Variants in ZDHHC15 observed in about 807,000 individuals in gnomAD.
ZDHHC15 encodes palmitoyltransferase ZDHHC15.
In ZDHHC15, 19 loss-of-function variants were observed where a neutral mutation model predicts 31.7. That is an observed-to-expected ratio of 0.60 (90% CI 0.42 to 0.88). The LOEUF (loss-of-function observed/expected upper bound fraction) is 0.88, where lower values mean the gene tolerates loss of function less well. Ranked by LOEUF, ZDHHC15 falls within the 40% of genes least tolerant of loss-of-function variation. ZDHHC15 has a pLI of 0.00. For synonymous variants in ZDHHC15, 103 were observed against 90.0 expected (o/e 1.14, Z -0.82); for missense variants, 209 against 251.2 (o/e 0.83, Z 1.14).
chrX:75,509,258 T>C (rs1301338602), intron 1 of ZDHHC15, among the ~76,000 whole-genome samples: 1 of 111,926 alleles, frequency 8.9e-6, no homozygotes, highest in African/African-American at 3.2e-5. Context: ...AGAAAATTTT[T>C]GCCATATACT....
In ZDHHC15 at chrX:75,450,850, C is replaced by A; in HGVS notation, c.331G>T (p.Val111Phe). ...ACCGGTAGCTTTTTGGCCATATCAA[C>A]AAGCATCTGCTTCTGGACCTCAGGT... ...ERPEVQKQML[V>F]DMAKKLPVYT... The change falls in exon 4 of 12, where the codon GTT becomes TTT. Residue 111 changes from valine to phenylalanine, a missense_variant. Physicochemically the swap from Val to Phe is conservative, Grantham distance 50. Coordinates refer to ENST00000373367, the MANE Select transcript of ZDHHC15 (RefSeq NM_144969.3). 8.3e-7 allele frequency: 1 copy of A among 1,211,075 alleles called. No individual in the cohort carries two copies. The highest frequency in any genetic ancestry group is 1.1e-6 in the Non-Finnish European group (1 of 895,085).
intron 3 of ZDHHC15, among the ~76,000 whole-genome samples, chrX:75,475,202 A>T (rs2084582987): frequency 8.9e-6 from 1 of 112,326 alleles, no homozygotes; most frequent in Admixed American, 9.4e-5. Context: ...CACTCTGTTA[A>T]ATGTATCCTT....
chrX:75,483,665 G>A (rs1309377395), intron 2 of ZDHHC15, among the ~76,000 whole-genome samples: 3 of 111,994 alleles, frequency 2.7e-5, no homozygotes, highest in African/African-American at 9.7e-5. Flanking sequence ...ATTGATCTTG[G>A]GGATAAGAAA....
At chrX:75,443,518 C>G (rs763337023) in intron 4 of ZDHHC15, among the ~76,000 whole-genome samples, 30 of 111,877 alleles carry the variant, frequency 2.7e-4, no homozygotes, top group South Asian at 1.1e-3. Flanking sequence ...AAAAACCCTA[C>G]AAGAAAACCT....
intron 2 of ZDHHC15, among the ~76,000 whole-genome samples, chrX:75,496,842 A>G (rs775634999): frequency 5.4e-5 from 6 of 111,435 alleles, no homozygotes; most frequent in Non-Finnish European, 1.1e-4. Flanking sequence ...ATACAGCAAA[A>G]GTGGTGCTAA....
chrX:75,383,957 T>C (rs780453047), intron 10 of ZDHHC15, among the ~76,000 whole-genome samples: 1 of 109,027 alleles, frequency 9.2e-6, no homozygotes, highest in Admixed American at 9.8e-5. Context: ...TTAACCAGGA[T>C]GGTCTTGATC....
At chrX:75,463,095 C>T (rs759961196) in intron 3 of ZDHHC15, among the ~76,000 whole-genome samples, 5 of 111,116 alleles carry the variant, frequency 4.5e-5, no homozygotes, top group Non-Finnish European at 9.4e-5. Flanking sequence ...ACCACTGATC[C>T]CACAGAAATA....
chrX:75,428,943 T>G (rs1273500846), intron 7 of ZDHHC15, 135 bp downstream of exon 7: 1 of 892,880 alleles, frequency 1.1e-6, no homozygotes, highest in African/African-American at 2.1e-5. Flanking sequence ...AAACCTGTTT[T>G]TAGTGCCTTC....
In ZDHHC15 at chrX:75,370,723, G is replaced by T. The variant is rs1602527100; in HGVS notation, c.*2255C>A. On this transcript the variant is annotated 3_prime_UTR_variant, in exon 12 of 12. Coordinates refer to ENST00000373367, the MANE Select transcript of ZDHHC15 (RefSeq NM_144969.3). Reference sequence around the variant, plus strand: ...ATTTTTGTATTTTTAGTAGAGACAGGGTTTCTCCATGTTGGTCAGGCTGGT... The same window carrying T: ...ATTTTTGTATTTTTAGTAGAGACAGTGTTTCTCCATGTTGGTCAGGCTGGT... 9.1e-6 allele frequency: 1 copy of T among 110,328 alleles called. No homozygotes were observed. The highest frequency in any genetic ancestry group is 2.8e-4 in the East Asian group (1 of 3,513). The allele number at this position is 110,328 out of a possible 1,213,427, so 9.1% of individuals were successfully genotyped here.
chrX:75,451,017 T>C, intron 3 of ZDHHC15, 95 bp from the exon 4 acceptor site: 1 of 1,011,380 alleles, frequency 9.9e-7, no homozygotes, highest in Non-Finnish European at 1.3e-6. Context: ...AATTATTTGT[T>C]ACCTACCCTT....
chrX:75,457,319 A>G (rs1351087366), intron 3 of ZDHHC15, among the ~76,000 whole-genome samples: 1 of 110,400 alleles, frequency 9.1e-6, no homozygotes, highest in Non-Finnish European at 1.9e-5. Flanking sequence ...TCTTTGGTCC[A>G]TTAAAAAAAG....
chrX:75,509,464 G>A (rs1210999888), intron 1 of ZDHHC15, among the ~76,000 whole-genome samples: 1 of 112,213 alleles, frequency 8.9e-6, no homozygotes, highest in Non-Finnish European at 1.9e-5. Flanking sequence ...AATTAGTGGA[G>A]TTCAAAAGGG....
intron 1 of ZDHHC15, among the ~76,000 whole-genome samples, chrX:75,508,131 A>T (rs2085197027): frequency 9.0e-6 from 1 of 111,173 alleles, no homozygotes; most frequent in South Asian, 3.8e-4. Context: ...ATATATCAAA[A>T]TATTTTCATT....
chrX:75,381,208 C>T (rs1364834909), intron 10 of ZDHHC15, among the ~76,000 whole-genome samples: 1 of 111,833 alleles, frequency 8.9e-6, no homozygotes, highest in African/African-American at 3.2e-5. Flanking sequence ...ATTCTTGACC[C>T]TCTGGCTTTC....
chrX:75,492,348 C>T (rs1486619899), intron 2 of ZDHHC15, among the ~76,000 whole-genome samples: 1 of 110,871 alleles, frequency 9.0e-6, no homozygotes, highest in Non-Finnish European at 1.9e-5. Context: ...TTTAACACCC[C>T]ACTGTCAATA....
At chrX:75,380,642 T>C (rs1441508786) in intron 10 of ZDHHC15, among the ~76,000 whole-genome samples, 3 of 110,859 alleles carry the variant, frequency 2.7e-5, no homozygotes, top group South Asian at 3.8e-4. Context: ...GGGTGAGGAC[T>C]AAATTAAAAA....
At chrX:75,466,116 C>T (rs1453956220) in intron 3 of ZDHHC15, among the ~76,000 whole-genome samples, 2 of 111,132 alleles carry the variant, frequency 1.8e-5, no homozygotes, top group African/African-American at 6.5e-5. Context: ...ACAAACAACC[C>T]CAGTAAAAAG....
At chrX:75,480,829 CA>C (rs1569352741) in intron 2 of ZDHHC15, among the ~76,000 whole-genome samples, 1 of 111,520 alleles carries the variant, frequency 9.0e-6, no homozygotes, top group African/African-American at 3.3e-5. Flanking sequence ...AGCACATGCA[CA>C]AAAAATATCT....
intron 10 of ZDHHC15, among the ~76,000 whole-genome samples, chrX:75,396,319 T>G (rs896545799): frequency 2.7e-5 from 3 of 111,920 alleles, no homozygotes; most frequent in African/African-American, 6.5e-5. Flanking sequence ...AATAATCTGA[T>G]TAAAAATGGG....
Sources: gnomAD v4.1 joint callset for allele counts (sites outside exome capture counted in the v4.1 genomes callset) on GRCh38, gnomAD v4.1.1 for gene constraint, MANE v1.5 for transcripts, NCBI Gene and HGNC (gene_info 2026-07-23, HGNC 2026-07-21) for gene names.